The following NXPH2 variants were observed in gnomAD, a reference collection of about 807,000 sequenced individuals.
NXPH2 encodes the protein neurexophilin-2.
A neutral mutation model predicts 19.8 loss-of-function variants in NXPH2; 5 were observed. The ratio of observed to expected loss-of-function variants is 0.25; its 90% CI spans 0.13 to 0.53. The LOEUF is 0.53. Ranked by LOEUF, NXPH2 falls within the 20% of genes least tolerant of loss-of-function variation. NXPH2 has a pLI of 0.96. For missense variants in NXPH2, 289 were observed against 322.8 expected (o/e 0.90, Z 0.80); for synonymous variants, 154 against 127.4 (o/e 1.21, Z -1.41).
intron 1 of NXPH2, among the ~76,000 whole-genome samples, chr2:138,727,126 G>A (rs1337043924): frequency 2.0e-5 from 3 of 152,072 alleles, no homozygotes; most frequent in Non-Finnish European, 4.4e-5. Flanking sequence ...TTTTTTTAAA[G>A]TACTGAATAA....
At chr2:138,690,151 G>T (rs1307722679) in intron 1 of NXPH2, among the ~76,000 whole-genome samples, 1 of 151,994 alleles carries the variant, frequency 6.6e-6, no homozygotes, top group East Asian at 1.9e-4. Flanking sequence ...CCACCTATGC[G>T]TCTCTGTCCG....
At chr2:138,729,335 G>T (rs949573104) in intron 1 of NXPH2, among the ~76,000 whole-genome samples, 2 of 152,054 alleles carry the variant, frequency 1.3e-5, no homozygotes, top group African/African-American at 4.8e-5. Context: ...CCCCTTTACT[G>T]GGCTCTCATT....
At chr2:138,735,192 C>A (rs1681520084) in intron 1 of NXPH2, among the ~76,000 whole-genome samples, 1 of 152,100 alleles carries the variant, frequency 6.6e-6, no homozygotes, top group South Asian at 2.1e-4. Context: ...GAATATGAAA[C>A]AGCTGAACTA....
chr2:138,691,365 T>C (rs1317402168), intron 1 of NXPH2, among the ~76,000 whole-genome samples: 2 of 152,174 alleles, frequency 1.3e-5, no homozygotes, highest in African/African-American at 4.8e-5. Context: ...AATGATTCCA[T>C]AGCATCTGAA....
intron 1 of NXPH2, among the ~76,000 whole-genome samples, chr2:138,766,424 A>G (rs1682094090): frequency 1.3e-5 from 2 of 152,308 alleles, no homozygotes; most frequent in South Asian, 4.1e-4. Context: ...ACATTTGTCA[A>G]TGTCTGGAGA....
intron 1 of NXPH2, among the ~76,000 whole-genome samples, chr2:138,745,493 C>CGGGGG (rs56011084): frequency 1.1e-5 from 1 of 90,242 alleles, no homozygotes; most frequent in Non-Finnish European, 2.0e-5. Flanking sequence ...CTTTTTTTGG[C>CGGGGG]GGGGGGGGGG....
rs1354322257 is a variant in NXPH2 at position 138,719,943 on chromosome 2, C to T, written c.52-48278G>A. On this transcript the variant is annotated intron_variant, in intron 1 of 1. Coordinates refer to ENST00000272641, the MANE Select transcript of NXPH2 (RefSeq NM_007226.3). ...ATAGCTTTTTATAAAAAAATTATTA[C>T]ATTAACTTTAAAGCAAATTTCAATA... Among the ~76,000 whole-genome samples the T allele has an allele frequency of 2.0e-5, 3 of 152,102 alleles. No individual in the cohort carries two copies. In the South Asian group the frequency reaches 6.2e-4, roughly 31 times the overall value.
chr2:138,766,667 C>T (rs1441959779), intron 1 of NXPH2, among the ~76,000 whole-genome samples: 1 of 152,162 alleles, frequency 6.6e-6, no homozygotes, highest in East Asian at 1.9e-4. Flanking sequence ...CATGACTTTA[C>T]CACTGCTGGA....
chr2:138,684,784 G>T (rs1680624845), intron 1 of NXPH2, among the ~76,000 whole-genome samples: 2 of 152,290 alleles, frequency 1.3e-5, no homozygotes, highest in East Asian at 3.9e-4. Flanking sequence ...TAGCCCAAGA[G>T]TCCCCTTTAC....
chr2:138,739,062 A>G (rs1465684770), intron 1 of NXPH2, among the ~76,000 whole-genome samples: 1 of 152,194 alleles, frequency 6.6e-6, no homozygotes, highest in Non-Finnish European at 1.5e-5. Flanking sequence ...TCCACCATGG[A>G]TGTAGGATGG....
intron 1 of NXPH2, among the ~76,000 whole-genome samples, chr2:138,715,737 TTA>T (rs1241854161): frequency 1.3e-5 from 2 of 152,176 alleles, no homozygotes; most frequent in African/African-American, 4.8e-5. Context: ...GCTGTTTCCT[TTA>T]TATTTTCCCT....
chr2:138,713,601 G>C (rs533638869), intron 1 of NXPH2, among the ~76,000 whole-genome samples: 278 of 151,252 alleles, frequency 1.8e-3, no homozygotes, highest in African/African-American at 5.9e-3. Context: ...AACGTTCTGT[G>C]TGTGTGTGTG....
chr2:138,772,586 C>G lies in NXPH2; in HGVS notation c.51+7605G>C, dbSNP rs541654517. Among the ~76,000 whole-genome samples the G allele has an allele frequency of 3.4e-3, 515 of 152,268 alleles. 1 individual carries two copies. Among genetic ancestry groups the G allele is most frequent in the Non-Finnish European group, 5.9e-3 (403 of 68,018 alleles). On this transcript the variant is annotated intron_variant, in intron 1 of 1. Transcript: ENST00000272641. ...TGCTGGGACTACAGGGGTGAGCCAC[C>G]GCGCCCGGCCCATGAGGTTAAATTC...
chr2:138,711,730 C>T (rs145641014), intron 1 of NXPH2, among the ~76,000 whole-genome samples: 2 of 152,316 alleles, frequency 1.3e-5, no homozygotes, highest in East Asian at 3.9e-4. Context: ...CATGTCCCCT[C>T]CAGCTCCTGA....
intron 1 of NXPH2, among the ~76,000 whole-genome samples, chr2:138,741,161 T>C (rs1681636423): frequency 6.6e-6 from 1 of 152,182 alleles, no homozygotes; most frequent in African/African-American, 2.4e-5. Context: ...TCTGTCAACT[T>C]GGCCTGATTC....
chr2:138,730,418 G>T (rs1421862810), intron 1 of NXPH2, among the ~76,000 whole-genome samples: 1 of 152,094 alleles, frequency 6.6e-6, no homozygotes, highest in Non-Finnish European at 1.5e-5. Context: ...AGGTCCTGGA[G>T]GTTAGGACTT....
chr2:138,686,675 A>T (rs1437695390), intron 1 of NXPH2, among the ~76,000 whole-genome samples: 15 of 152,068 alleles, frequency 9.9e-5, no homozygotes, highest in Non-Finnish European at 1.5e-4. Flanking sequence ...TACATTAGGT[A>T]TATCTCCTAA....
intron 1 of NXPH2, among the ~76,000 whole-genome samples, chr2:138,777,077 A>G (rs572138079): frequency 1.3e-5 from 2 of 152,216 alleles, no homozygotes; most frequent in Admixed American, 6.5e-5. Flanking sequence ...ATTCATTTAA[A>G]TTAAAATTTA....
intron 1 of NXPH2, among the ~76,000 whole-genome samples, chr2:138,737,820 T>C (rs1681575529): frequency 6.6e-6 from 1 of 152,214 alleles, no homozygotes; most frequent in African/African-American, 2.4e-5. Flanking sequence ...TGCCATCCTT[T>C]GGAAGACATT....
Sources: gnomAD v4.1 joint callset for allele counts (sites outside exome capture counted in the v4.1 genomes callset) on GRCh38, gnomAD v4.1.1 for gene constraint, MANE v1.5 for transcripts, NCBI Gene and HGNC (gene_info 2026-07-23, HGNC 2026-07-21) for gene names.